COQ8B: variants seen among roughly 807,000 people sequenced by gnomAD.
COQ8B encodes the protein atypical kinase COQ8B, mitochondrial.
In COQ8B, 44 loss-of-function variants were observed where a neutral mutation model predicts 62.0. The observed-to-expected ratio is 0.71, with a 90% CI of 0.56 to 0.91. COQ8B has a LOEUF of 0.91. COQ8B is among the 40% of genes least tolerant of loss of function. The pLI is 0.00. For missense variants in COQ8B, 649 were observed against 731.6 expected (o/e 0.89, Z 1.30); for synonymous variants, 252 against 289.9 (o/e 0.87, Z 1.33).
intron 12 of COQ8B, among the ~76,000 whole-genome samples, chr19:40,699,135 T>C (rs918454993): frequency 1.3e-5 from 2 of 151,904 alleles, no homozygotes. Context: ...CTTTTTTTTT[T>C]TTTCTTTGGT....
chr19:40,705,032 G>C (rs2082089207), intron 7 of COQ8B, 64 bp downstream of exon 7: 1 of 1,445,194 alleles, frequency 6.9e-7, no homozygotes, highest in Non-Finnish European at 9.4e-7. Flanking sequence ...AAGCCAGGAA[G>C]GTCAGGCAGG....
intron 9 of COQ8B, chr19:40,703,225 T>C: frequency 2.9e-6 from 1 of 345,370 alleles, no homozygotes; most frequent in Non-Finnish European, 5.3e-6. Flanking sequence ...TCACGTGCCA[T>C]CCCCAGGACT....
intron 4 of COQ8B, among the ~76,000 whole-genome samples, chr19:40,711,271 G>A (rs767557780): frequency 6.6e-6 from 1 of 151,834 alleles, no homozygotes; most frequent in African/African-American, 2.4e-5. Flanking sequence ...TCACTCTGTC[G>A]CCCAGGCTGG....
intron 5 of COQ8B, among the ~76,000 whole-genome samples, chr19:40,707,209 C>CA (rs1477346135): frequency 2.0e-5 from 3 of 151,398 alleles, no homozygotes; most frequent in Non-Finnish European, 4.4e-5. Context: ...GTAGAGGTTA[C>CA]AGTGAGCCGT....
chr19:40,692,258 G>A lies in COQ8B; in HGVS notation c.1412C>T (p.Pro471Leu), dbSNP rs377717467. ...ETARRIQDLI[P>L]VLLRHRLCPP... ...ACACAGCCGGTGCCGCAGCAGCACCGGGATGAGGTCCTGTATGCGGCGGGC... is the reference window on the plus strand; with the variant it reads ...ACACAGCCGGTGCCGCAGCAGCACCAGGATGAGGTCCTGTATGCGGCGGGC... Residue 471 changes from proline (P) to leucine (L), a missense_variant, in exon 15 of 15, where the codon CCG becomes CTG. Pro to Leu is a moderately conservative substitution (Grantham distance 98). Transcript: ENST00000324464. 48 of 1,613,052 alleles carry A rather than the reference G, an allele frequency of 3.0e-5. No individual in the cohort carries two copies. The highest frequency in any genetic ancestry group is 6.7e-5 in the East Asian group (3 of 44,844).
Position 40,705,423 on chromosome 19 carries a change from C to A in COQ8B, c.392G>T (p.Ser131Ile), listed in dbSNP as rs776956478. The A allele has an allele frequency of 2.5e-6, 4 of 1,586,792 alleles. No individual in the cohort carries two copies. The highest frequency in any genetic ancestry group is 1.3e-5 in the African/African-American group (1 of 74,344). The stretch of plus-strand genomic sequence containing the variant: ...GGCATTGGCCTCCGACAGGAAGGGG[C>A]TGGAGTCCAGCCCAGAACCACCCTC... ...QSEGGSGLDS[S>I]PFLSEANAER... is the part of the protein sequence containing the mutation. Residue 131 changes from serine to isoleucine, a missense_variant, in exon 6 of 15, where the codon AGC (serine) becomes ATC (isoleucine). Ser to Ile is a moderately radical substitution (Grantham distance 142). Transcript: ENST00000324464.
intron 9 of COQ8B, chr19:40,703,256 A>C (rs1397114381): frequency 4.9e-6 from 2 of 409,604 alleles, no homozygotes; most frequent in Non-Finnish European, 8.8e-6. Flanking sequence ...GCTCTGCCGC[A>C]CCTACAATCC....
intron 7 of COQ8B, chr19:40,704,148 CTTTT>C (rs1188224323): frequency 2.8e-3 from 457 of 162,802 alleles, no homozygotes; most frequent in South Asian, 8.8e-3. Context: ...CATAACAATC[CTTTT>C]TTTTTTTTTT....
rs765552552 is a variant in COQ8B, at chr19:40,710,071, G to A, written c.355C>T (p.Arg119Cys). Reference protein sequence around the residue: ...EMAKKSMPGGRLQSEGGSGLD... With the variant: ...EMAKKSMPGGCLQSEGGSGLD... ...GTGGCTCACTCACCTGACTGCAGAC[G>A]ACCTCCTGGCATGGACTTCTTAGCC... Residue 119 changes from arginine (R) to cysteine (C), a missense_variant, in exon 5 of 15, where the codon CGT becomes TGT. Coordinates refer to ENST00000324464, the MANE Select transcript of COQ8B (RefSeq NM_024876.4). 6.2e-6 allele frequency: 10 copies of A among 1,613,824 alleles called. No homozygotes were observed. The highest frequency in any genetic ancestry group is 3.3e-5 in the South Asian group (3 of 91,068).
intron 1 of COQ8B, chr19:40,714,844 C>CTT: frequency 3.0e-6 from 4 of 1,347,790 alleles, no homozygotes; most frequent in Non-Finnish European, 3.8e-6. Flanking sequence ...ACTTTCCCCC[C>CTT]TCTCCCAACC....
intron 14 of COQ8B, 128 bp from the exon 15 acceptor site, chr19:40,692,501 C>A (rs1005326317): frequency 3.9e-6 from 3 of 777,414 alleles, no homozygotes; most frequent in Non-Finnish European, 4.1e-6. Context: ...CCGACTCCCC[C>A]AAGAGTGAGC....
In COQ8B at chr19:40,705,016, G is replaced by A. The variant is rs555867503; in HGVS notation, c.576+80C>T. On this transcript the variant is annotated intron_variant, in intron 7 of 14. Transcript: ENST00000324464. ...GTGAGGCTCAGAGGCAGGGAGTGGG[G>A]CAGTGAAGCCAGGAAGGTCAGGCAG... is the stretch of plus-strand genomic sequence containing the variant. The A allele has an allele frequency of 3.8e-5, 50 of 1,324,770 alleles. No individual in the cohort carries two copies. In the African/African-American group the frequency reaches 6.8e-4, roughly 18 times the overall value. 82.1% of individuals were successfully genotyped at this position (1,324,770 alleles called of 1,614,324 possible).
intron 13 of COQ8B, 120 bp from the exon 14 acceptor site, chr19:40,693,157 T>G: frequency 1.4e-5 from 11 of 775,086 alleles, no homozygotes; most frequent in Non-Finnish European, 1.9e-5. Context: ...GCCTGGGCCC[T>G]CCCTCACCTG....
chr19:40,702,347 C>T (rs559844855), intron 10 of COQ8B, among the ~76,000 whole-genome samples: 2 of 152,238 alleles, frequency 1.3e-5, no homozygotes, highest in East Asian at 1.9e-4. Context: ...GTGCCTGTGT[C>T]GGACCACAGT....
Position 40,703,637 on chromosome 19 carries a change from G to C in COQ8B, c.718-15C>G, listed in dbSNP as rs925655250. ...ATGCCGGGGTACTGTAAAGGGAGAA[G>C]GGAGGGAGAGAAGGTGGGAGTCACT... is the stretch of plus-strand genomic sequence containing the variant. On this transcript the variant is annotated splice_polypyrimidine_tract_variant and intron_variant, in intron 8 of 14. Coordinates refer to ENST00000324464, the MANE Select transcript of COQ8B (RefSeq NM_024876.4). 1.9e-6 allele frequency: 3 copies of C among 1,613,334 alleles called. No homozygotes were observed. The highest frequency in any genetic ancestry group is 2.5e-6 in the Non-Finnish European group (3 of 1,179,544).
intron 12 of COQ8B, among the ~76,000 whole-genome samples, chr19:40,697,822 TTATATATA>T (rs66501221): frequency 1.0e-4 from 8 of 79,108 alleles, no homozygotes; most frequent in South Asian, 8.0e-4. Context: ...ATAAATAAAA[TTATATATA>T]TATATATATA....
At chr19:40,714,033 A>C (rs1472052656) in intron 4 of COQ8B, 34 bp downstream of exon 4, 2 of 1,609,194 alleles carry the variant, frequency 1.2e-6, no homozygotes, top group East Asian at 2.2e-5. Context: ...TTTCTAATTG[A>C]GGTCACACCA....
intron 5 of COQ8B, among the ~76,000 whole-genome samples, chr19:40,706,652 G>A (rs1294579802): frequency 1.3e-5 from 2 of 152,124 alleles, no homozygotes; most frequent in Admixed American, 6.6e-5. Context: ...TAAAAATGGG[G>A]CCTCGCTATG....
rs142414537 is a variant in COQ8B at position 40,703,769 on chromosome 19, C to T, written c.663G>A (p.Gly221=). Reference sequence around the variant, plus strand: ...CCCTCAGCAGGCCCTGGTGCACCTGCCCAATTGAGGCAGCGGCAAAGGGCA... The same window carrying T: ...CCCTCAGCAGGCCCTGGTGCACCTGTCCAATTGAGGCAGCGGCAAAGGGCA... The part of the protein sequence containing the change: ...EEVPFAAASI[G]QVHQGLLRDG... Residue 221 remains glycine (G), a synonymous_variant, in exon 8 of 15, where the codon GGG becomes GGA. Transcript: ENST00000324464. 3.0e-3 allele frequency: 4,780 copies of T among 1,614,074 alleles called. 14 individuals carry two copies. Among genetic ancestry groups the T allele is most frequent in the Middle Eastern group, 8.4e-3 (51 of 6,062 alleles).
Sources: allele counts gnomAD v4.1 joint callset (sites outside exome capture counted in the v4.1 genomes callset), GRCh38; gene constraint gnomAD v4.1.1; transcripts MANE v1.5; gene names NCBI Gene and HGNC (gene_info 2026-07-23, HGNC 2026-07-21).